Variants in GRM7 observed in about 807,000 individuals in gnomAD.
GRM7 encodes metabotropic glutamate receptor 7.
A neutral mutation model predicts 84.5 loss-of-function variants in GRM7; 35 were observed. That is an observed-to-expected ratio of 0.41 (90% confidence interval 0.32 to 0.55). The LOEUF is 0.55. GRM7 is among the 20% of genes least tolerant of loss of function. GRM7 has a pLI of 0.19. For missense variants in GRM7, 1,003 were observed against 1,194.6 expected (o/e 0.84, Z 2.36); for synonymous variants, 487 against 455.1 (o/e 1.07, Z -0.89).
intron 2 of GRM7, among the ~76,000 whole-genome samples, chr3:7,252,111 C>A (rs745982281): frequency 6.6e-6 from 1 of 152,094 alleles, no homozygotes; most frequent in Non-Finnish European, 1.5e-5. Flanking sequence ...AATTATAACT[C>A]TTTCCTGGGG....
At chr3:7,059,681 G>A (rs951574440) in intron 1 of GRM7, among the ~76,000 whole-genome samples, 5 of 151,694 alleles carry the variant, frequency 3.3e-5, no homozygotes, top group African/African-American at 1.2e-4. Flanking sequence ...ATAGTATTAA[G>A]AGGTTTGATT....
intron 4 of GRM7, among the ~76,000 whole-genome samples, chr3:7,335,300 C>T (rs950881388): frequency 6.6e-6 from 1 of 152,050 alleles, no homozygotes; most frequent in Non-Finnish European, 1.5e-5. Flanking sequence ...AAGTAATCTG[C>T]TCCTGAATGA....
chr3:7,303,461 ATTC>A (rs1022813284), intron 3 of GRM7, among the ~76,000 whole-genome samples: 3 of 151,998 alleles, frequency 2.0e-5, no homozygotes, highest in African/African-American at 7.2e-5. Flanking sequence ...ATATTATCTA[ATTC>A]TTATGTTAAA....
chr3:7,584,080 A>C (rs1003459902), intron 8 of GRM7, among the ~76,000 whole-genome samples: 6 of 152,220 alleles, frequency 3.9e-5, no homozygotes, highest in Admixed American at 1.3e-4. Flanking sequence ...TTAGAGGCAG[A>C]AAAAGTGGCA....
At chr3:7,406,443 T>G (rs1341378815) in intron 4 of GRM7, among the ~76,000 whole-genome samples, 1 of 150,414 alleles carries the variant, frequency 6.6e-6, no homozygotes, top group African/African-American at 2.5e-5. Flanking sequence ...GAGCTTGCAG[T>G]GAGCCGAGAT....
At chr3:7,389,684 G>GT in intron 4 of GRM7, among the ~76,000 whole-genome samples, 1 of 151,478 alleles carries the variant, frequency 6.6e-6, no homozygotes, top group South Asian at 2.1e-4. Context: ...AACCCCTACT[G>GT]TTTTTGTTTT....
chr3:7,334,636 A>G (rs1701334557), intron 4 of GRM7, among the ~76,000 whole-genome samples: 1 of 152,196 alleles, frequency 6.6e-6, no homozygotes, highest in Non-Finnish European at 1.5e-5. Flanking sequence ...AGAACAGATT[A>G]AAAGTCTATC....
At chr3:7,182,439 G>A (rs1046816282) in intron 2 of GRM7, among the ~76,000 whole-genome samples, 4 of 152,090 alleles carry the variant, frequency 2.6e-5, no homozygotes, top group African/African-American at 7.2e-5. Context: ...GGAGACGATT[G>A]TATTTTGTTC....
chr3:6,897,939 A>C (rs1696244538), intron 1 of GRM7, among the ~76,000 whole-genome samples: 1 of 152,162 alleles, frequency 6.6e-6, no homozygotes, highest in Non-Finnish European at 1.5e-5. Context: ...CCTTAAGTTG[A>C]GGGATGCCGC....
intron 7 of GRM7, chr3:7,561,389 C>T (rs1272883561): frequency 1.4e-5 from 5 of 351,090 alleles, no homozygotes; most frequent in Non-Finnish European, 5.8e-6. Context: ...AGGTGTTTCT[C>T]ATGTCTGTAT....
intron 1 of GRM7, among the ~76,000 whole-genome samples, chr3:6,925,989 A>T (rs1273133089): frequency 6.6e-6 from 1 of 152,088 alleles, no homozygotes; most frequent in Non-Finnish European, 1.5e-5. Flanking sequence ...TTCTAAAGTT[A>T]CTTCCCCCAA....
intron 7 of GRM7, among the ~76,000 whole-genome samples, chr3:7,531,121 A>G (rs1701020651): frequency 6.6e-6 from 1 of 152,132 alleles, no homozygotes; most frequent in Non-Finnish European, 1.5e-5. Flanking sequence ...TAATTTTTGT[A>G]TAAGGTGTAA....
At chr3:6,915,407 T>C (rs751412422) in intron 1 of GRM7, among the ~76,000 whole-genome samples, 2 of 152,178 alleles carry the variant, frequency 1.3e-5, no homozygotes, top group Admixed American at 6.5e-5. Context: ...TGTATAAATA[T>C]TGAGTTTTTA....
intron 1 of GRM7, among the ~76,000 whole-genome samples, chr3:7,135,776 A>G (rs1003409406): frequency 1.3e-5 from 2 of 152,218 alleles, no homozygotes; most frequent in Non-Finnish European, 2.9e-5. Context: ...GTTAACATGC[A>G]TGGAAACAAT....
intron 4 of GRM7, among the ~76,000 whole-genome samples, chr3:7,365,629 A>G (rs1396604305): frequency 7.5e-5 from 10 of 133,964 alleles, no homozygotes; most frequent in African/African-American, 2.6e-4. Flanking sequence ...TTTAATATGC[A>G]TGTGTGTGTG....
At chr3:6,997,051 A>C (rs1234862029) in intron 1 of GRM7, among the ~76,000 whole-genome samples, 1 of 152,236 alleles carries the variant, frequency 6.6e-6, no homozygotes, top group African/African-American at 2.4e-5. Flanking sequence ...TAGTAATCTT[A>C]GAATCCTGTA....
In GRM7 at chr3:7,563,582, GA is replaced by G. The variant is rs1197641322; in HGVS notation, c.1516-14835del. ...AAGATAATGGCGGAAGAATTAGGGG[GA>G]AAAATGACAGCCGAAAGGTTAAGTG... On this transcript the variant is annotated intron_variant, in intron 7 of 9. Coordinates refer to ENST00000357716, the MANE Select transcript of GRM7 (RefSeq NM_000844.4). Among the ~76,000 whole-genome samples the G allele has an allele frequency of 2.0e-5, 3 of 152,078 alleles. No individual in the cohort carries two copies. The South Asian group carries it at 6.2e-4, about 32-fold the overall frequency.
chr3:7,159,365 A>G (rs1694551895), intron 2 of GRM7, among the ~76,000 whole-genome samples: 1 of 152,178 alleles, frequency 6.6e-6, no homozygotes, highest in South Asian at 2.1e-4. Context: ...GCAGCATGCA[A>G]GGACTAAGTT....
At chr3:7,446,683 C>G (rs561790395) in intron 5 of GRM7, among the ~76,000 whole-genome samples, 1 of 152,082 alleles carries the variant, frequency 6.6e-6, no homozygotes, top group Non-Finnish European at 1.5e-5. Flanking sequence ...TGGTCTTGAA[C>G]TCCTGACCTC....
Sources: allele counts gnomAD v4.1 joint callset (sites outside exome capture counted in the v4.1 genomes callset), GRCh38; gene constraint gnomAD v4.1.1; transcripts MANE v1.5; gene names NCBI Gene and HGNC (gene_info 2026-07-23, HGNC 2026-07-21).